The following INPP4A variants were observed in gnomAD, a reference collection of about 807,000 sequenced individuals.
The protein encoded by INPP4A is inositol polyphosphate-4-phosphatase, type I, 107kD.
In INPP4A, 33 loss-of-function variants were observed where a neutral mutation model predicts 119.8. The ratio of observed to expected loss-of-function variants is 0.28; its 90% CI spans 0.21 to 0.37. INPP4A has a LOEUF of 0.37. Among genes scored for constraint, INPP4A ranks in the 10% least tolerant of loss-of-function variants. The pLI, the probability that INPP4A is intolerant of heterozygous loss-of-function variation, is 1.00. For missense variants in INPP4A, 956 were observed against 1,289.9 expected (o/e 0.74, Z 3.97); for synonymous variants, 496 against 500.7 (o/e 0.99, Z 0.12).
intron 1 of INPP4A, among the ~76,000 whole-genome samples, chr2:98,503,288 A>G (rs1401403321): frequency 1.3e-5 from 2 of 152,178 alleles, no homozygotes; most frequent in African/African-American, 4.8e-5. Context: ...TTGAGATCCT[A>G]GGGAGTTCTT....
chr2:98,464,703 A>G (rs978697729), intron 1 of INPP4A, among the ~76,000 whole-genome samples: 1 of 152,190 alleles, frequency 6.6e-6, no homozygotes, highest in Admixed American at 6.5e-5. Context: ...ATCACAGCTC[A>G]TGATGCCTGA....
rs1158164207 is a variant in INPP4A, at chr2:98,563,540, A to T, written c.1931A>T (p.Lys644Met). The T allele has an allele frequency of 6.2e-7, 1 of 1,613,880 alleles. No individual in the cohort carries two copies. Among genetic ancestry groups the T allele is most frequent in the Non-Finnish European group, 8.5e-7 (1 of 1,179,882 alleles). Residue 644 changes from lysine (K) to methionine (M), a missense_variant, in exon 18 of 25, where the codon AAG becomes ATG. By Grantham distance (95) the Lys-to-Met change is moderately conservative. Around this residue, in one of 2 missense-constraint regions of INPP4A, gnomAD observed 304 missense variants for 492.1 expected, o/e 0.62. Transcript: ENST00000409851. ...DCVAMMSDKA[K>M]KAMVFLLMQD... ...GTGGCCATGATGAGTGACAAGGCCAAGAAGGCCATGGTATTCCTGCTCATG... is the reference window on the plus strand; with the variant it reads ...GTGGCCATGATGAGTGACAAGGCCATGAAGGCCATGGTATTCCTGCTCATG...
At chr2:98,485,474 C>T (rs2105124598) in intron 1 of INPP4A, among the ~76,000 whole-genome samples, 1 of 152,200 alleles carries the variant, frequency 6.6e-6, no homozygotes, top group South Asian at 2.1e-4. Flanking sequence ...AATCATCTTT[C>T]TTTTTAACAT....
intron 1 of INPP4A, among the ~76,000 whole-genome samples, chr2:98,512,438 C>G (rs751278592): frequency 6.6e-6 from 1 of 152,210 alleles, no homozygotes; most frequent in Non-Finnish European, 1.5e-5. Context: ...AACAACATAC[C>G]ACAGCCTGGG....
intron 1 of INPP4A, among the ~76,000 whole-genome samples, chr2:98,468,795 C>G (rs959210137): frequency 2.0e-5 from 3 of 152,074 alleles, no homozygotes; most frequent in East Asian, 1.9e-4. Context: ...TAACTAGATG[C>G]AAAGCTCATG....
chr2:98,476,917 G>A (rs1285288263), intron 1 of INPP4A, among the ~76,000 whole-genome samples: 1 of 152,184 alleles, frequency 6.6e-6, no homozygotes, highest in Non-Finnish European at 1.5e-5. Flanking sequence ...CTTCCTTGCT[G>A]TCCTTGATCC....
intron 1 of INPP4A, among the ~76,000 whole-genome samples, chr2:98,488,767 T>A (rs1449792335): frequency 2.0e-5 from 3 of 152,152 alleles, no homozygotes; most frequent in Non-Finnish European, 4.4e-5. Flanking sequence ...GGGGAGTTGC[T>A]TGAGACTGAA....
chr2:98,550,538 T>TG (rs2106162718), intron 13 of INPP4A, among the ~76,000 whole-genome samples: 1 of 152,254 alleles, frequency 6.6e-6, no homozygotes, highest in East Asian at 1.9e-4. Context: ...GGGTCTGGGG[T>TG]GGGGGCCTAA....
In INPP4A at chr2:98,544,049, A is replaced by G. The variant is rs773307010; in HGVS notation, c.949+42A>G. ...GCTGTCACCACACACGCGTGCGCAC[A>G]CACACACACACACACTCTCACTCTC... On this transcript the variant is annotated intron_variant, in intron 11 of 24. Transcript: ENST00000409851. The G allele has an allele frequency of 1.7e-3, 2,254 of 1,341,130 alleles. 20 individuals are homozygous for G. In the African/African-American group the frequency reaches 0.023, roughly 14 times the overall value. The allele number at this position is 1,341,130 out of a possible 1,614,324, so 83.1% of individuals were successfully genotyped here.
chr2:98,492,101 G>A (rs1574714389), intron 1 of INPP4A, among the ~76,000 whole-genome samples: 1 of 152,214 alleles, frequency 6.6e-6, no homozygotes, highest in South Asian at 2.1e-4. Context: ...TATTGGCCAG[G>A]CTGATCTCGA....
At chr2:98,471,941 G>A (rs1676113798) in intron 1 of INPP4A, among the ~76,000 whole-genome samples, 1 of 152,208 alleles carries the variant, frequency 6.6e-6, no homozygotes, top group Non-Finnish European at 1.5e-5. Context: ...AGCTCTGGGA[G>A]TTGCCATTGA....
intron 1 of INPP4A, among the ~76,000 whole-genome samples, chr2:98,465,344 A>C (rs188042487): frequency 6.6e-6 from 1 of 152,232 alleles, no homozygotes; most frequent in Non-Finnish European, 1.5e-5. Flanking sequence ...TGCTTCTGTC[A>C]CACGGCCCTC....
intron 23 of INPP4A, among the ~76,000 whole-genome samples, chr2:98,573,154 G>C (rs1697785422): frequency 6.6e-6 from 1 of 152,160 alleles, no homozygotes; most frequent in Admixed American, 6.5e-5. Context: ...TCCATCTCTT[G>C]GGGCATTTAC....
At chr2:98,580,599 G>A (rs1012825296) in intron 24 of INPP4A, among the ~76,000 whole-genome samples, 3 of 152,230 alleles carry the variant, frequency 2.0e-5, no homozygotes, top group Admixed American at 6.5e-5. Flanking sequence ...TCGGTGCTCC[G>A]CAGCTTGGGA....
At chr2:98,505,548 C>T (rs535342546) in intron 1 of INPP4A, among the ~76,000 whole-genome samples, 2 of 152,208 alleles carry the variant, frequency 1.3e-5, no homozygotes, top group African/African-American at 2.4e-5. Context: ...TTGGAGACAG[C>T]GGTGACTGTT....
intron 17 of INPP4A, among the ~76,000 whole-genome samples, chr2:98,560,890 C>T (rs978496754): frequency 2.0e-5 from 3 of 152,188 alleles, no homozygotes; most frequent in Non-Finnish European, 2.9e-5. Flanking sequence ...CATGGGTCCC[C>T]GGGCAGCACA....
At chr2:98,539,392 G>A (rs949527305) in intron 9 of INPP4A, 136 bp from the exon 10 acceptor site, 9 of 938,916 alleles carry the variant, frequency 9.6e-6, no homozygotes, top group African/African-American at 6.8e-5. Flanking sequence ...TTCGGTGTAA[G>A]CGTTTTAATT....
chr2:98,474,693 T>C (rs1676844552), intron 1 of INPP4A, among the ~76,000 whole-genome samples: 1 of 152,248 alleles, frequency 6.6e-6, no homozygotes, highest in Non-Finnish European at 1.5e-5. Context: ...TGGCAGCCTC[T>C]CTTTGCAGAT....
At chr2:98,565,151 C>CT (rs1696198633) in intron 19 of INPP4A, among the ~76,000 whole-genome samples, 2 of 152,178 alleles carry the variant, frequency 1.3e-5, no homozygotes, top group South Asian at 4.1e-4. Context: ...AAATTGCCCT[C>CT]TAAAAAGGCT....
Sources: allele counts gnomAD v4.1 joint callset (sites outside exome capture counted in the v4.1 genomes callset), GRCh38; gene constraint gnomAD v4.1.1; regional missense constraint gnomAD v4.1.1; transcripts MANE v1.5; gene names NCBI Gene and HGNC (gene_info 2026-07-23, HGNC 2026-07-21).